Variants in STS observed in about 807,000 individuals in gnomAD.
STS encodes the protein steryl-sulfatase.
Under a neutral mutation model 26.8 loss-of-function variants are expected in STS, and 7 were observed. That is an observed-to-expected ratio of 0.26 (90% CI 0.15 to 0.49). The LOEUF (loss-of-function observed/expected upper bound fraction) is 0.49. Among genes scored for constraint, STS ranks in the 20% least tolerant of loss-of-function variants. STS has a pLI of 0.98. For missense variants in STS, 434 were observed against 465.6 expected (o/e 0.93, Z 0.63); for synonymous variants, 199 against 189.4 (o/e 1.05, Z -0.42).
chrX:7,172,706 A>G (rs1933490408), intron 1 of STS, among the ~76,000 whole-genome samples: 1 of 111,780 alleles, frequency 8.9e-6, no homozygotes, highest in African/African-American at 3.2e-5. Context: ...AAGTATTTTT[A>G]AAAGAGAGAA....
intron 2 of STS, among the ~76,000 whole-genome samples, chrX:7,211,597 C>T (rs1466869570): frequency 8.9e-6 from 1 of 112,259 alleles, no homozygotes; most frequent in African/African-American, 3.2e-5. Flanking sequence ...TTGGCTTGGC[C>T]TTGCCCCTTG....
chrX:7,180,273 G>C (rs980501382), intron 1 of STS, among the ~76,000 whole-genome samples: 11 of 111,679 alleles, frequency 9.8e-5, no homozygotes, highest in Admixed American at 7.6e-4. Context: ...ATCCCATCGG[G>C]GGGTGATGGG....
chrX:7,339,016 C>T (rs1032276990), intron 10 of STS, among the ~76,000 whole-genome samples: 1 of 112,122 alleles, frequency 8.9e-6, no homozygotes, highest in Non-Finnish European at 1.9e-5. Context: ...AAAATCAAAA[C>T]CAGCTTACCG....
At chrX:7,230,088 A>G (rs1190624144) in intron 2 of STS, among the ~76,000 whole-genome samples, 4 of 109,911 alleles carry the variant, frequency 3.6e-5, no homozygotes, top group East Asian at 2.9e-4. Context: ...GGGTCTTTCT[A>G]TGTTGCGCAG....
intron 8 of STS, among the ~76,000 whole-genome samples, chrX:7,308,931 C>T (rs376182469): frequency 1.9e-4 from 21 of 111,940 alleles, no homozygotes; most frequent in African/African-American, 6.5e-4. Context: ...GGATTTAACA[C>T]CCTGTTTAAA....
intron 1 of STS, among the ~76,000 whole-genome samples, chrX:7,158,150 G>A (rs1436392199): frequency 9.0e-6 from 1 of 111,428 alleles, no homozygotes; most frequent in Non-Finnish European, 1.9e-5. Flanking sequence ...AGGCTTCAGC[G>A]ACACTCCTCA....
In STS at chrX:7,324,280, G is replaced by C. The variant is rs57618114; in HGVS notation, c.1082-1059G>C. 4.0e-3 allele frequency among the ~76,000 whole-genome samples: 442 copies of C among 110,656 alleles called. 3 individuals carry two copies. The highest frequency in any genetic ancestry group is 0.014 in the African/African-American group (427 of 30,399). On this transcript the variant is annotated intron_variant, in intron 8 of 10. Transcript: ENST00000674429. ...TGCAGTCAATAGAAGGGAGTGTCTG[G>C]GTTAAAATAAGGGGGTTGTGGAGGC... is the stretch of plus-strand genomic sequence containing the variant.
chrX:7,232,845 T>C (rs1922125397), intron 2 of STS, among the ~76,000 whole-genome samples: 1 of 111,083 alleles, frequency 9.0e-6, no homozygotes, highest in African/African-American at 3.3e-5. Flanking sequence ...ATCATGGGGG[T>C]GGTCCCCCCA....
intron 7 of STS, among the ~76,000 whole-genome samples, chrX:7,289,730 C>A (rs1275764217): frequency 9.0e-6 from 1 of 111,400 alleles, no homozygotes; most frequent in African/African-American, 3.3e-5. Flanking sequence ...GTGATCTCGG[C>A]TCACTGCAGC....
intron 8 of STS, among the ~76,000 whole-genome samples, chrX:7,315,340 T>C (rs1320680312): frequency 8.9e-6 from 1 of 111,881 alleles, no homozygotes; most frequent in East Asian, 2.8e-4. Flanking sequence ...AAAAATAATA[T>C]GTGATCATAG....
intron 2 of STS, among the ~76,000 whole-genome samples, chrX:7,216,389 A>C (rs1921313825): frequency 8.9e-6 from 1 of 112,054 alleles, no homozygotes; most frequent in African/African-American, 3.2e-5. Context: ...CCCGGTTGGT[A>C]TCAAATAAAA....
chrX:7,158,951 T>C lies in STS; in HGVS notation c.-134+10868T>C, dbSNP rs1007842004. Among the ~76,000 whole-genome samples, 30 of 111,550 alleles carry C rather than the reference T, an allele frequency of 2.7e-4. 1 individual carries two copies. The highest frequency in any genetic ancestry group is 9.6e-4 in the Admixed American group (10 of 10,462). ...CGTATTTATTCATGTTAAAATACTT[T>C]TCAGGTTTCAGCATGCCCAAATCCT... On this transcript the variant is annotated intron_variant, in intron 1 of 10. Coordinates refer to ENST00000674429, the MANE Select transcript of STS (RefSeq NM_001320752.2).
chrX:7,148,125 C>T (rs12841335), intron 1 of STS, 42 bp downstream of exon 1: 11 of 1,110,682 alleles, frequency 9.9e-6, no homozygotes, highest in Non-Finnish European at 1.2e-5. Context: ...GTGGCGCCTT[C>T]TGGGTCTGGG....
chrX:7,263,625 C>T (rs1336454912), intron 6 of STS, among the ~76,000 whole-genome samples: 1 of 112,270 alleles, frequency 8.9e-6, no homozygotes, highest in Non-Finnish European at 1.9e-5. Flanking sequence ...TTTCTCAGAA[C>T]ATATCCCTGT....
intron 8 of STS, among the ~76,000 whole-genome samples, chrX:7,320,026 A>T (rs1240906015): frequency 5.4e-5 from 5 of 92,930 alleles, no homozygotes; most frequent in East Asian, 3.1e-4. Flanking sequence ...ATATATATTT[A>T]TATATATATT....
intron 7 of STS, among the ~76,000 whole-genome samples, chrX:7,282,187 TTTG>T (rs1924898345): frequency 2.1e-5 from 1 of 47,413 alleles, no homozygotes; most frequent in Non-Finnish European, 4.5e-5. Flanking sequence ...TGGTAAATGG[TTTG>T]TTTGTTTGTT....
rs746378303 is a variant in STS, at chrX:7,333,971, C to G, written c.1242-15C>G. 6 of 1,209,499 alleles carry G rather than the reference C, an allele frequency of 5.0e-6. No homozygotes were observed. In the African/African-American group the frequency reaches 8.7e-5, roughly 18 times the overall value. The stretch of plus-strand genomic sequence containing the variant: ...GACTGATTCACGTCTTGATGCCTGG[C>G]TGTTTATCCCACAGGATCATTGATG... On this transcript the variant is annotated splice_polypyrimidine_tract_variant and intron_variant, in intron 9 of 10. Coordinates refer to ENST00000674429, the MANE Select transcript of STS (RefSeq NM_001320752.2).
intron 2 of STS, among the ~76,000 whole-genome samples, chrX:7,191,728 G>A (rs1479811772): frequency 1.8e-5 from 2 of 109,864 alleles, no homozygotes. Flanking sequence ...TGGAGTTGAA[G>A]GTTGAGGGCA....
At chrX:7,195,702 G>T (rs1933960838) in intron 2 of STS, among the ~76,000 whole-genome samples, 1 of 112,198 alleles carries the variant, frequency 8.9e-6, no homozygotes, top group Non-Finnish European at 1.9e-5. Context: ...GCTCCTGTTG[G>T]AACCCTCAGG....
Sources: allele counts gnomAD v4.1 joint callset (sites outside exome capture counted in the v4.1 genomes callset), GRCh38; gene constraint gnomAD v4.1.1; transcripts MANE v1.5; gene names NCBI Gene and HGNC (gene_info 2026-07-23, HGNC 2026-07-21).